Variants in LAMA2 observed in about 807,000 individuals in gnomAD.
The protein encoded by LAMA2 is laminin subunit alpha-2.
LAMA2 carries 269 observed loss-of-function variants against 364.8 expected under a neutral mutation model. That is an observed-to-expected ratio of 0.74 (90% CI 0.67 to 0.82). LAMA2 has a LOEUF of 0.82. LAMA2 is among the 40% of genes least tolerant of loss of function. LAMA2 has a pLI of 0.00. For missense variants in LAMA2, 3,807 were observed against 3,873.2 expected, an observed-to-expected ratio of 0.98 and a Z score of 0.45; for synonymous variants, 1,379 against 1,370.6, an observed-to-expected ratio of 1.01 and a Z score of -0.14.
At chr6:129,268,604 T>A (rs1213842633) in intron 16 of LAMA2, among the ~76,000 whole-genome samples, 1 of 152,072 alleles carries the variant, frequency 6.6e-6, no homozygotes, top group East Asian at 1.9e-4. Flanking sequence ...ACTAGAAGCC[T>A]TTTTTAACTA....
chr6:128,910,228 G>A (rs1228141548), intron 1 of LAMA2, among the ~76,000 whole-genome samples: 1 of 152,268 alleles, frequency 6.6e-6, no homozygotes, highest in East Asian at 1.9e-4. Flanking sequence ...ATCCTGCAGA[G>A]TGTTTTCCAA....
intron 1 of LAMA2, 23 bp downstream of exon 1, chr6:128,883,380 G>C: frequency 6.4e-7 from 1 of 1,570,882 alleles, no homozygotes; most frequent in East Asian, 2.3e-5. Context: ...CATGGGCTTG[G>C]GTTGCATCCT....
intron 22 of LAMA2, among the ~76,000 whole-genome samples, chr6:129,302,715 A>G: frequency 6.6e-6 from 1 of 152,072 alleles, no homozygotes; most frequent in East Asian, 1.9e-4. Flanking sequence ...ATTTGTTGAA[A>G]AGACTATCCT....
chr6:128,915,843 A>G (rs1157224986), intron 1 of LAMA2, among the ~76,000 whole-genome samples: 1 of 152,150 alleles, frequency 6.6e-6, no homozygotes, highest in Non-Finnish European at 1.5e-5. Context: ...TTGTAGTGAA[A>G]ACAACCGTGG....
chr6:129,398,625 C>A (rs889054288), intron 37 of LAMA2, among the ~76,000 whole-genome samples: 12 of 151,858 alleles, frequency 7.9e-5, no homozygotes, highest in Admixed American at 3.3e-4. Context: ...CAGGCATGCA[C>A]CACCACACCC....
At chr6:129,226,544 C>T (rs1784292394) in intron 12 of LAMA2, among the ~76,000 whole-genome samples, 4 of 151,372 alleles carry the variant, frequency 2.6e-5, no homozygotes. Context: ...CAAAATCTCT[C>T]AGCATTTGCT....
At chr6:129,431,135 G>A (rs948335658) in intron 41 of LAMA2, among the ~76,000 whole-genome samples, 3 of 151,794 alleles carry the variant, frequency 2.0e-5, no homozygotes, top group Non-Finnish European at 4.4e-5. Context: ...GCGGTGGCTC[G>A]CACCTGTAAT....
Position 129,095,537 on chromosome 6 carries a change from T to C in LAMA2, c.397-2636T>C, listed in dbSNP as rs367960200. Among the ~76,000 whole-genome samples the C allele has an allele frequency of 6.0e-3, 913 of 152,214 alleles. 8 individuals carry two copies. The highest frequency in any genetic ancestry group is 0.021 in the African/African-American group (873 of 41,538). On this transcript the variant is annotated intron_variant, in intron 3 of 64. Coordinates refer to ENST00000421865, the MANE Select transcript of LAMA2 (RefSeq NM_000426.4). ...TCAGATTTGCTTCAGCCTCAAAAAA[T>C]GTGTTTATGTAAAATTAAATGAGAG...
intron 4 of LAMA2, among the ~76,000 whole-genome samples, chr6:129,099,171 A>G (rs978002449): frequency 1.5e-5 from 2 of 131,682 alleles, no homozygotes; most frequent in African/African-American, 5.7e-5. Flanking sequence ...TTCTTGATCC[A>G]GTTACTTAAA....
At chr6:129,158,538 T>C in intron 8 of LAMA2, 1 of 1,614,128 alleles carries the variant, frequency 6.2e-7, no homozygotes, top group Non-Finnish European at 8.5e-7. Flanking sequence ...TGCTTCATCC[T>C]GTTCCAAATC....
chr6:129,315,338 C>A (rs981486309), intron 24 of LAMA2, 138 bp from the exon 25 acceptor site: 3 of 722,838 alleles, frequency 4.2e-6, no homozygotes, highest in East Asian at 5.4e-5. Flanking sequence ...TTGCCCACTG[C>A]GTGTGAGTTC....
At chr6:129,362,642 C>G (rs1777533027) in intron 32 of LAMA2, among the ~76,000 whole-genome samples, 1 of 152,182 alleles carries the variant, frequency 6.6e-6, no homozygotes. Flanking sequence ...TTTAAGGTCC[C>G]TTCTTTAACG....
intron 12 of LAMA2, among the ~76,000 whole-genome samples, chr6:129,219,733 A>C: frequency 7.3e-6 from 1 of 137,556 alleles, no homozygotes; most frequent in Admixed American, 7.7e-5. Context: ...AAGGACAAAA[A>C]AACAAACACC....
intron 1 of LAMA2, among the ~76,000 whole-genome samples, chr6:129,029,765 G>T (rs1309185784): frequency 6.6e-6 from 1 of 151,992 alleles, no homozygotes; most frequent in Non-Finnish European, 1.5e-5. Flanking sequence ...TGTAGCAAGT[G>T]GTAGCAAGCT....
intron 9 of LAMA2, among the ~76,000 whole-genome samples, chr6:129,174,323 C>T (rs1303819137): frequency 1.3e-5 from 2 of 151,768 alleles, no homozygotes; most frequent in African/African-American, 4.8e-5. Flanking sequence ...CTCTTTTTTA[C>T]TCATCTACAT....
intron 29 of LAMA2, among the ~76,000 whole-genome samples, 156 bp downstream of exon 29, chr6:129,328,568 A>C (rs1404784368): frequency 2.0e-5 from 3 of 152,214 alleles, no homozygotes; most frequent in African/African-American, 7.2e-5. Flanking sequence ...CAGATTCTGC[A>C]TTTTAAAAAG....
At chr6:128,962,537 A>G (rs1051392735) in intron 1 of LAMA2, among the ~76,000 whole-genome samples, 1 of 152,136 alleles carries the variant, frequency 6.6e-6, no homozygotes, top group Non-Finnish European at 1.5e-5. Context: ...GGGGACAAGG[A>G]CAATGAAAAT....
At chr6:129,118,971 C>T (rs193020046) in intron 4 of LAMA2, among the ~76,000 whole-genome samples, 1 of 152,122 alleles carries the variant, frequency 6.6e-6, no homozygotes, top group East Asian at 1.9e-4. Context: ...TTAAAAATGC[C>T]AATTAAAAAA....
At chr6:129,026,459 A>G (rs1785828516) in intron 1 of LAMA2, among the ~76,000 whole-genome samples, 1 of 152,200 alleles carries the variant, frequency 6.6e-6, no homozygotes, top group Admixed American at 6.5e-5. Flanking sequence ...CTACACATTT[A>G]GAAAGAAGTT....
Sources: allele counts gnomAD v4.1 joint callset (sites outside exome capture counted in the v4.1 genomes callset), GRCh38; gene constraint gnomAD v4.1.1; transcripts MANE v1.5; gene names NCBI Gene and HGNC (gene_info 2026-07-23, HGNC 2026-07-21).